Variants in PDE9A observed in about 807,000 individuals in gnomAD.
The protein encoded by PDE9A is phosphodiesterase 9A.
A neutral mutation model predicts 87.4 loss-of-function variants in PDE9A; 60 were observed. That is an observed-to-expected ratio of 0.69 (90% CI 0.56 to 0.85). The LOEUF (loss-of-function observed/expected upper bound fraction) is 0.85. PDE9A is among the 40% of genes least tolerant of loss of function. The pLI is 0.00. For synonymous variants in PDE9A, 272 were observed against 279.4 expected, an observed-to-expected ratio of 0.97 and a Z score of 0.27; for missense variants, 665 against 779.0, an observed-to-expected ratio of 0.85 and a Z score of 1.74.
intron 1 of PDE9A, among the ~76,000 whole-genome samples, chr21:42,679,073 C>T (rs1019065620): frequency 4.6e-5 from 7 of 152,192 alleles, no homozygotes; most frequent in African/African-American, 1.7e-4. Flanking sequence ...GTCCCATGGA[C>T]CCCAGAGATC....
chr21:42,719,613 C>T (rs2050273506), intron 4 of PDE9A, among the ~76,000 whole-genome samples: 1 of 142,716 alleles, frequency 7.0e-6, no homozygotes, highest in Non-Finnish European at 1.6e-5. Context: ...GCCCTCCAGC[C>T]TGGGTGACAG....
At chr21:42,709,727 C>T (rs1465096558) in intron 4 of PDE9A, among the ~76,000 whole-genome samples, 2 of 152,120 alleles carry the variant, frequency 1.3e-5, no homozygotes, top group African/African-American at 4.8e-5. Flanking sequence ...GCCTGTTGCC[C>T]AGGCTGGGGT....
At chr21:42,763,338 T>C (rs988223507) in intron 14 of PDE9A, among the ~76,000 whole-genome samples, 6 of 152,144 alleles carry the variant, frequency 3.9e-5, no homozygotes, top group African/African-American at 1.2e-4. Context: ...CAGTGTGGAT[T>C]GTCTAAGGGG....
chr21:42,743,202 A>G (rs930466757), intron 7 of PDE9A, among the ~76,000 whole-genome samples: 3 of 152,190 alleles, frequency 2.0e-5, no homozygotes, highest in Non-Finnish European at 4.4e-5. Flanking sequence ...GAATGTGATC[A>G]AGTCCAAGTT....
chr21:42,676,851 T>C (rs898910360), intron 1 of PDE9A, among the ~76,000 whole-genome samples: 1 of 152,252 alleles, frequency 6.6e-6, no homozygotes, highest in Non-Finnish European at 1.5e-5. Flanking sequence ...TTATAATTAA[T>C]AAGCATCATC....
chr21:42,755,820 T>A (rs889126043), intron 10 of PDE9A, among the ~76,000 whole-genome samples: 1 of 152,096 alleles, frequency 6.6e-6, no homozygotes, highest in African/African-American at 2.4e-5. Context: ...ATCCCCAAAG[T>A]CATTTTGACC....
chr21:42,775,219 T>C lies in PDE9A; in HGVS notation c.1769-61T>C, dbSNP rs145452601. ...TCTCTCAAAGTGCTGGGATTAAAGG[T>C]GTGAGCCACCGCGCCCTAATTCTAA... is the stretch of plus-strand genomic sequence containing the variant. On this transcript the variant is annotated intron_variant, in intron 19 of 19. Coordinates refer to ENST00000291539, the MANE Select transcript of PDE9A (RefSeq NM_002606.3). The C allele has an allele frequency of 2.7e-3, 4,280 of 1,563,404 alleles. 116 individuals are homozygous for C. The African/African-American group carries it at 0.052, about 19-fold the overall frequency.
chr21:42,744,252 C>G (rs906969911), intron 8 of PDE9A, among the ~76,000 whole-genome samples: 2 of 152,094 alleles, frequency 1.3e-5, no homozygotes, highest in South Asian at 4.1e-4. Context: ...ACTTGGGAAG[C>G]TGAGGCGGGA....
intron 4 of PDE9A, among the ~76,000 whole-genome samples, chr21:42,710,847 G>C (rs2049266386): frequency 6.6e-6 from 1 of 152,268 alleles, no homozygotes; most frequent in South Asian, 2.1e-4. Flanking sequence ...AATTAGCTGG[G>C]TGTGGTGGCA....
intron 1 of PDE9A, among the ~76,000 whole-genome samples, chr21:42,670,262 CACACATAT>C (rs1488802460): frequency 6.9e-6 from 1 of 145,054 alleles, no homozygotes; most frequent in African/African-American, 2.6e-5. Flanking sequence ...CATACATTCA[CACACATAT>C]TCACACATTC....
rs1481737206 is a variant in PDE9A at position 42,689,703 on chromosome 21, G to GT, written c.218+1710dup. 1.2e-5 allele frequency: 12 copies of GT among 985,314 alleles called. No individual in the cohort carries two copies. In the Admixed American group the frequency reaches 6.1e-4, roughly 50 times the overall value. 61.0% of individuals were successfully genotyped at this position (985,314 alleles called of 1,614,324 possible). A position where few individuals can be genotyped will look rare whatever the true frequency, so the allele number is the denominator to read the frequency against. ...CCAGGTGCCTTATTAACAAGAGACA[G>GT]TATCAGACACACCAGACAAAAGCCC... On this transcript the variant is annotated intron_variant, in intron 3 of 19. Coordinates refer to ENST00000291539, the MANE Select transcript of PDE9A (RefSeq NM_002606.3).
intron 1 of PDE9A, among the ~76,000 whole-genome samples, chr21:42,679,774 A>G (rs2059061365): frequency 6.6e-6 from 1 of 152,142 alleles, no homozygotes; most frequent in African/African-American, 2.4e-5. Flanking sequence ...CCCCCCACCC[A>G]TGAGAGACCC....
At chr21:42,670,925 G>T (rs771372687) in intron 1 of PDE9A, among the ~76,000 whole-genome samples, 1 of 151,928 alleles carries the variant, frequency 6.6e-6, no homozygotes, top group Non-Finnish European at 1.5e-5. Context: ...CCCTTTTCTT[G>T]CCATGTATTT....
chr21:42,724,149 C>T (rs953264559), intron 4 of PDE9A, among the ~76,000 whole-genome samples: 5 of 152,148 alleles, frequency 3.3e-5, no homozygotes, highest in African/African-American at 1.2e-4. Flanking sequence ...GTGGGATTCA[C>T]CCCTTCACAG....
rs576056493 is a variant in PDE9A, at chr21:42,741,723, G to C, written c.569-2053G>C. On this transcript the variant is annotated intron_variant, in intron 7 of 19. Coordinates refer to ENST00000291539, the MANE Select transcript of PDE9A (RefSeq NM_002606.3). Reference sequence around the variant, plus strand: ...AAACGCCTCGAAACCCACCCGGGAGGCTGATTCCAGCTAGTCTGCCCTGGG... The same window carrying C: ...AAACGCCTCGAAACCCACCCGGGAGCCTGATTCCAGCTAGTCTGCCCTGGG... 4.3e-5 allele frequency: 5 copies of C among 115,616 alleles called. No individual in the cohort carries two copies. The South Asian group carries it at 1.2e-3, about 28-fold the overall frequency. The allele number at this position is 115,616 out of a possible 1,614,324, so 7.2% of individuals were successfully genotyped here.
At chr21:42,703,315 G>A (rs1171514618) in intron 4 of PDE9A, among the ~76,000 whole-genome samples, 2 of 152,218 alleles carry the variant, frequency 1.3e-5, no homozygotes, top group East Asian at 3.9e-4. Context: ...GACTTGGTGA[G>A]GCCAGCAGGG....
Position 42,760,118 on chromosome 21 carries a change from C to T in PDE9A, c.898-210C>T, listed in dbSNP as rs911109647. The stretch of plus-strand genomic sequence containing the variant: ...GGGAGCTCTGTCCCCACACCTGCCC[C>T]GGGTGCCGTGGTGTGGCCCGCTGGA... On this transcript the variant is annotated intron_variant, in intron 11 of 19. Coordinates refer to ENST00000291539, the MANE Select transcript of PDE9A (RefSeq NM_002606.3). The surrounding 1 kb of genome is among the most constrained non-coding windows in gnomAD (Gnocchi z 5.2). 3.9e-5 allele frequency among the ~76,000 whole-genome samples: 6 copies of T among 152,018 alleles called. No homozygotes were observed. The highest frequency in any genetic ancestry group is 1.3e-4 in the Admixed American group (2 of 15,264).
In PDE9A at chr21:42,722,166, C is replaced by T. The variant is rs1036923490; in HGVS notation, c.263-9604C>T. On this transcript the variant is annotated intron_variant, in intron 4 of 19. Coordinates refer to ENST00000291539, the MANE Select transcript of PDE9A (RefSeq NM_002606.3). This position sits in a 1 kb window ranked among gnomAD's most constrained non-coding sequence, Gnocchi z 4.1. ...AATTTTTTTGTATTTTTAGTAGAGA[C>T]GGAGTTTCACCATGTTGGCCAGGAT... is the stretch of plus-strand genomic sequence containing the variant. 6.6e-5 allele frequency among the ~76,000 whole-genome samples: 10 copies of T among 151,850 alleles called. No individual in the cohort carries two copies. The East Asian group carries it at 7.7e-4, about 12-fold the overall frequency.
intron 1 of PDE9A, among the ~76,000 whole-genome samples, chr21:42,669,889 A>G (rs1293161889): frequency 6.6e-6 from 1 of 152,186 alleles, no homozygotes; most frequent in Admixed American, 6.5e-5. Flanking sequence ...CTGCACACAC[A>G]GCCCAGTGTG....
Sources: gnomAD v4.1 joint callset for allele counts (sites outside exome capture counted in the v4.1 genomes callset) on GRCh38, gnomAD v4.1.1 for gene constraint, Gnocchi (gnomAD v3.1) non-coding constraint, MANE v1.5 for transcripts, NCBI Gene and HGNC (gene_info 2026-07-23, HGNC 2026-07-21) for gene names.